DEUP1: variants seen among roughly 807,000 people sequenced by gnomAD.
DEUP1 encodes coiled-coil domain containing 67.
Under a neutral mutation model 87.4 loss-of-function variants are expected in DEUP1, and 82 were observed. The ratio of observed to expected loss-of-function variants is 0.94; its 90% CI spans 0.78 to 1.13. The LOEUF is 1.13. Among genes scored for constraint, DEUP1 ranks in the 50% most tolerant of loss-of-function variants. The pLI is 0.00. For synonymous variants in DEUP1, 214 were observed against 222.7 expected, an observed-to-expected ratio of 0.96 and a Z score of 0.35; for missense variants, 663 against 681.5, an observed-to-expected ratio of 0.97 and a Z score of 0.30.
At chr11:93,350,922 C>G (rs1039919986) in intron 2 of DEUP1, among the ~76,000 whole-genome samples, 13 of 151,124 alleles carry the variant, frequency 8.6e-5, no homozygotes, top group Non-Finnish European at 1.6e-4. Context: ...TGCCACTGCC[C>G]TCGAGCCTGG....
At chr11:93,389,198 AT>A in intron 9 of DEUP1, 73 bp downstream of exon 9, 1 of 789,834 alleles carries the variant, frequency 1.3e-6, no homozygotes, top group Non-Finnish European at 2.0e-6. Context: ...TTAAAAAAAA[AT>A]CTTTCTTCTC....
chr11:93,396,887 A>G (rs578128959), intron 11 of DEUP1, among the ~76,000 whole-genome samples: 74 of 152,310 alleles, frequency 4.9e-4, no homozygotes, highest in Non-Finnish European at 9.0e-4. Context: ...GATAAGGACT[A>G]CTGGTTTTAA....
At chr11:93,406,967 C>T (rs192145098) in intron 11 of DEUP1, among the ~76,000 whole-genome samples, 196 of 151,966 alleles carry the variant, frequency 1.3e-3, no homozygotes, top group Non-Finnish European at 2.4e-3. Flanking sequence ...GCAAATTTAA[C>T]GAAATGGTAA....
chr11:93,368,812 T>C (rs922643378), intron 5 of DEUP1, among the ~76,000 whole-genome samples: 2 of 152,088 alleles, frequency 1.3e-5, no homozygotes, highest in South Asian at 2.1e-4. Flanking sequence ...GGCACGTGAC[T>C]GTAATCCCAG....
intron 13 of DEUP1, among the ~76,000 whole-genome samples, chr11:93,433,331 C>A (rs1948154865): frequency 6.6e-6 from 1 of 152,132 alleles, no homozygotes; most frequent in Non-Finnish European, 1.5e-5. Context: ...GTCTGGGCAA[C>A]ATAATGAGGC....
Position 93,373,650 on chromosome 11 carries a change from T to TATAC in DEUP1, c.789+2371_789+2372insTACA, listed in dbSNP as rs1239179001. Among the ~76,000 whole-genome samples, 75 of 140,456 alleles carry TATAC rather than the reference T, an allele frequency of 5.3e-4. 1 individual carries two copies. Among genetic ancestry groups the TATAC allele is most frequent in the African/African-American group, 1.8e-3 (71 of 38,556 alleles). The allele number at this position is 140,456 out of a possible 152,430, so 92.1% of individuals were successfully genotyped here. A position where few individuals can be genotyped will look rare whatever the true frequency, so the allele number is the denominator to read the frequency against. ...GTATATATATATATATATATATATATACGTATATATATGCCACATTTTCTT... is the reference window on the plus strand; with the variant it reads ...GTATATATATATATATATATATATATATACACGTATATATATGCCACATTTTCTT... On this transcript the variant is annotated intron_variant, in intron 7 of 13. Coordinates refer to ENST00000298050, the MANE Select transcript of DEUP1 (RefSeq NM_181645.4).
chr11:93,387,928 A>G (rs1327159513), intron 8 of DEUP1, among the ~76,000 whole-genome samples: 3 of 152,132 alleles, frequency 2.0e-5, no homozygotes, highest in Non-Finnish European at 4.4e-5. Context: ...ACATATATGC[A>G]TAGGGAAAAA....
At chr11:93,431,346 G>A (rs1354844174) in intron 13 of DEUP1, among the ~76,000 whole-genome samples, 1 of 152,108 alleles carries the variant, frequency 6.6e-6, no homozygotes, top group Non-Finnish European at 1.5e-5. Flanking sequence ...AACGAGTTTG[G>A]CAGGCATGAG....
At chr11:93,395,495 G>A (rs1474664084) in intron 10 of DEUP1, among the ~76,000 whole-genome samples, 1 of 152,150 alleles carries the variant, frequency 6.6e-6, no homozygotes, top group African/African-American at 2.4e-5. Context: ...CAGCACAGAT[G>A]GGATAATCTC....
chr11:93,427,997 GA>G (rs1470945883), intron 13 of DEUP1, among the ~76,000 whole-genome samples: 1 of 151,656 alleles, frequency 6.6e-6, no homozygotes, highest in South Asian at 2.1e-4. Context: ...AGGATGTGGA[GA>G]AATAGGAACA....
chr11:93,394,616 T>C lies in DEUP1; in HGVS notation c.1199T>C (p.Met400Thr). 1.2e-6 allele frequency: 2 copies of C among 1,611,876 alleles called. No individual in the cohort carries two copies. The highest frequency in any genetic ancestry group is 1.1e-5 in the South Asian group (1 of 90,586). ...KAALLEKQLK[M>T]ELEIKEKMLA... ...GCCCTTCTGGAAAAACAGTTAAAAA[T>C]GGAATTAGAAATAAAAGAAAAAATG... Residue 400 changes from methionine (M) to threonine (T), a missense_variant, in exon 10 of 14, where the codon ATG becomes ACG. Physicochemically the swap from Met to Thr is moderately conservative, Grantham distance 81 (BLOSUM62 -1). Transcript: ENST00000298050.
intron 3 of DEUP1, 141 bp from the exon 4 acceptor site, chr11:93,356,807 T>C: frequency 3.1e-6 from 2 of 655,064 alleles, no homozygotes; most frequent in South Asian, 3.5e-5. Context: ...TATTGATAGC[T>C]ATTTTAAGAA....
intron 13 of DEUP1, 33 bp downstream of exon 13, chr11:93,415,147 T>C (rs1174837612): frequency 3.1e-6 from 4 of 1,283,608 alleles, no homozygotes; most frequent in Non-Finnish European, 4.5e-6. Context: ...TTTTTTTCTT[T>C]AATGGGTTAT....
At chr11:93,364,903 C>T (rs946935929) in intron 5 of DEUP1, among the ~76,000 whole-genome samples, 3 of 152,066 alleles carry the variant, frequency 2.0e-5, no homozygotes, top group Non-Finnish European at 4.4e-5. Flanking sequence ...TTATCTTCTT[C>T]GTTTTCCAAC....
rs1591235376 is a variant in DEUP1 at position 93,405,391 on chromosome 11, G to A, written c.1327-2840G>A. Among the ~76,000 whole-genome samples the A allele has an allele frequency of 2.0e-5, 3 of 152,038 alleles. No homozygotes were observed. The East Asian group carries it at 5.8e-4, about 29-fold the overall frequency. ...ATGCCTCTCAAAAAGAATAAATGTT[G>A]AGAAATCCTAAAGGCAGAGCTTAAT... is the stretch of plus-strand genomic sequence containing the variant. On this transcript the variant is annotated intron_variant, in intron 11 of 13. Coordinates refer to ENST00000298050, the MANE Select transcript of DEUP1 (RefSeq NM_181645.4).
At chr11:93,385,354 G>C in intron 7 of DEUP1, 44 bp from the exon 8 acceptor site, 1 of 1,595,026 alleles carries the variant, frequency 6.3e-7, no homozygotes, top group Non-Finnish European at 8.6e-7. Flanking sequence ...TGTACGTTAT[G>C]ATAACCAACA....
At chr11:93,363,648 T>G (rs114193223) in intron 4 of DEUP1, among the ~76,000 whole-genome samples, 1,867 of 151,912 alleles carry the variant, frequency 0.012, 38 homozygotes, top group African/African-American at 0.043. Context: ...AGAATTATCA[T>G]TAAGAAAAAT....
rs60565982 is a variant in DEUP1, at chr11:93,391,013, C to T, written c.1041+1888C>T. Among the ~76,000 whole-genome samples the T allele has an allele frequency of 7.8e-3, 1,145 of 146,542 alleles. 15 individuals carry two copies. The highest frequency in any genetic ancestry group is 0.028 in the African/African-American group (1,103 of 39,332). On this transcript the variant is annotated intron_variant, in intron 9 of 13. Coordinates refer to ENST00000298050, the MANE Select transcript of DEUP1 (RefSeq NM_181645.4). ...AGGAGAATTGCTTGAACTCGGGAGG[C>T]GGAGGTTGCAGTGAGCCGAGATTGC...
At chr11:93,408,207 A>G in intron 11 of DEUP1, 24 bp from the exon 12 acceptor site, 2 of 1,476,346 alleles carry the variant, frequency 1.4e-6, no homozygotes, top group South Asian at 1.4e-5. Flanking sequence ...AGTTTATTCA[A>G]TGATAGTTTA....
Sources: gnomAD v4.1 joint callset for allele counts (sites outside exome capture counted in the v4.1 genomes callset) on GRCh38, gnomAD v4.1.1 for gene constraint, MANE v1.5 for transcripts, NCBI Gene and HGNC (gene_info 2026-07-23, HGNC 2026-07-21) for gene names.